MCTP1: variants seen among roughly 807,000 people sequenced by gnomAD.
MCTP1 encodes the protein multiple C2 and transmembrane domain-containing protein 1.
A neutral mutation model predicts 120.6 loss-of-function variants in MCTP1; 69 were observed. The ratio of observed to expected loss-of-function variants is 0.57; its 90% CI spans 0.47 to 0.70. The LOEUF (loss-of-function observed/expected upper bound fraction) is 0.70. MCTP1 is among the 30% of genes least tolerant of loss of function. MCTP1 has a pLI of 0.00. For missense variants in MCTP1, 1,203 were observed against 1,248.8 expected, an observed-to-expected ratio of 0.96 and a Z score of 0.55; for synonymous variants, 529 against 493.1, an observed-to-expected ratio of 1.07 and a Z score of -0.96.
intron 1 of MCTP1, among the ~76,000 whole-genome samples, chr5:95,129,372 T>C (rs1273147566): frequency 6.6e-6 from 1 of 152,244 alleles, no homozygotes; most frequent in Non-Finnish European, 1.5e-5. Flanking sequence ...CGCTTGGTCT[T>C]CATTTAGCCT....
chr5:94,927,240 TGG>T (rs1477200694), intron 6 of MCTP1, among the ~76,000 whole-genome samples: 1 of 152,092 alleles, frequency 6.6e-6, no homozygotes, highest in South Asian at 2.1e-4. Context: ...TTTGGTTAGG[TGG>T]GGTCAAAATA....
intron 17 of MCTP1, among the ~76,000 whole-genome samples, chr5:94,864,226 A>G (rs569391759): frequency 4.7e-4 from 71 of 151,952 alleles, no homozygotes; most frequent in African/African-American, 1.6e-3. Context: ...ACAGAAAGAA[A>G]TGTATTTTAT....
At chr5:94,765,781 G>T (rs916550363) in intron 19 of MCTP1, among the ~76,000 whole-genome samples, 3 of 149,784 alleles carry the variant, frequency 2.0e-5, no homozygotes, top group East Asian at 3.9e-4. Context: ...TAAAACACTG[G>T]TTTTTTTGAA....
chr5:94,901,050 A>G (rs915210385), intron 10 of MCTP1, among the ~76,000 whole-genome samples: 7 of 152,230 alleles, frequency 4.6e-5, no homozygotes, highest in Non-Finnish European at 1.0e-4. Context: ...AATCTAAAAC[A>G]GATTTTTGTA....
chr5:95,091,630 G>A (rs1299108716), intron 1 of MCTP1, among the ~76,000 whole-genome samples: 1 of 152,198 alleles, frequency 6.6e-6, no homozygotes, highest in East Asian at 1.9e-4. Context: ...AGAAGAGAGG[G>A]AGGAGTCTGG....
At chr5:95,227,192 T>C (rs555597976) in intron 1 of MCTP1, among the ~76,000 whole-genome samples, 1 of 152,336 alleles carries the variant, frequency 6.6e-6, no homozygotes, top group East Asian at 1.9e-4. Flanking sequence ...GTGATTAGGC[T>C]ATGTCTCATG....
At chr5:94,978,761 C>T (rs562404135) in intron 2 of MCTP1, among the ~76,000 whole-genome samples, 5 of 152,152 alleles carry the variant, frequency 3.3e-5, no homozygotes, top group African/African-American at 4.8e-5. Flanking sequence ...AAGATGAATA[C>T]GTTTTTGAGA....
intron 2 of MCTP1, among the ~76,000 whole-genome samples, chr5:94,972,013 C>T (rs1826997504): frequency 6.6e-6 from 1 of 152,112 alleles, no homozygotes; most frequent in Non-Finnish European, 1.5e-5. Context: ...TGATCTCTGC[C>T]ACCATTGCCC....
At chr5:94,778,424 A>G (rs1775891685) in intron 19 of MCTP1, among the ~76,000 whole-genome samples, 1 of 152,128 alleles carries the variant, frequency 6.6e-6, no homozygotes, top group African/African-American at 2.4e-5. Context: ...CCACTGCTGC[A>G]GTGGTGCAAG....
intron 1 of MCTP1, among the ~76,000 whole-genome samples, chr5:95,249,019 G>A (rs1218066523): frequency 6.6e-6 from 1 of 152,140 alleles, no homozygotes; most frequent in East Asian, 1.9e-4. Flanking sequence ...ACTCAAGATG[G>A]ATTAAAGACT....
At chr5:94,879,919 T>C (rs1799699684) in intron 12 of MCTP1, among the ~76,000 whole-genome samples, 1 of 152,110 alleles carries the variant, frequency 6.6e-6, no homozygotes, top group South Asian at 2.1e-4. Flanking sequence ...AAAGAATATT[T>C]ACAGAATTGT....
chr5:94,759,028 A>G (rs1234239424), intron 19 of MCTP1, among the ~76,000 whole-genome samples: 1 of 152,232 alleles, frequency 6.6e-6, no homozygotes, highest in East Asian at 1.9e-4. Flanking sequence ...TACATTTTCA[A>G]GGTGAATTAT....
intron 19 of MCTP1, among the ~76,000 whole-genome samples, chr5:94,771,199 T>C (rs1773979753): frequency 2.0e-5 from 3 of 152,174 alleles, no homozygotes; most frequent in Admixed American, 1.3e-4. Flanking sequence ...GATGACTTTA[T>C]AAAGATACTT....
chr5:95,221,621 C>T (rs1053157652), intron 1 of MCTP1, among the ~76,000 whole-genome samples: 2 of 152,188 alleles, frequency 1.3e-5, no homozygotes, highest in African/African-American at 4.8e-5. Context: ...GTACCTTTTG[C>T]AAAATTTAGC....
At chr5:95,118,203 C>T (rs1044428450) in intron 1 of MCTP1, among the ~76,000 whole-genome samples, 1 of 151,800 alleles carries the variant, frequency 6.6e-6, no homozygotes, top group Non-Finnish European at 1.5e-5. Flanking sequence ...ACATGTGCCC[C>T]AGAACTTAAA....
At chr5:94,742,623 C>T (rs1056725266) in intron 19 of MCTP1, among the ~76,000 whole-genome samples, 2 of 150,760 alleles carry the variant, frequency 1.3e-5, no homozygotes, top group Non-Finnish European at 3.0e-5. Flanking sequence ...TGCATAGAAA[C>T]TTCTAAAGCC....
At position 94,894,963 on chromosome 5, in the gene MCTP1, T is replaced by TTCAAG. The variant is rs1803594041; in HGVS notation, c.1653-133_1653-129dup. ...TTTGGACCATTGGAAGAATACATCT[T>TTCAAG]TCAAGTCAGCTGACTTTCTTCACAA... On this transcript the variant is annotated intron_variant, in intron 10 of 22. Transcript: ENST00000515393. 6 of 587,278 alleles carry TTCAAG rather than the reference T, an allele frequency of 1.0e-5. No individual in the cohort carries two copies. In the South Asian group the frequency reaches 1.6e-4, roughly 16 times the overall value. 36.4% of individuals were successfully genotyped at this position (587,278 alleles called of 1,614,324 possible).
chr5:95,029,417 A>G (rs1012991417), intron 1 of MCTP1, among the ~76,000 whole-genome samples: 7 of 152,174 alleles, frequency 4.6e-5, no homozygotes, highest in Non-Finnish European at 1.0e-4. Flanking sequence ...TTCTCAAGAT[A>G]GCTGACCAGA....
chr5:94,743,830 G>T (rs1307396329), intron 19 of MCTP1, among the ~76,000 whole-genome samples: 1 of 151,078 alleles, frequency 6.6e-6, no homozygotes, highest in African/African-American at 2.4e-5. Flanking sequence ...TAGTAGAGAC[G>T]GGGTTTCACC....
Sources: allele counts gnomAD v4.1 joint callset (sites outside exome capture counted in the v4.1 genomes callset), GRCh38; gene constraint gnomAD v4.1.1; transcripts MANE v1.5; gene names NCBI Gene and HGNC (gene_info 2026-07-23, HGNC 2026-07-21).